CHSY1: variants seen among roughly 807,000 people sequenced by gnomAD.
CHSY1 encodes the protein N-acetylgalactosaminyl-proteoglycan 3-beta-glucuronosyltransferase 1.
A neutral mutation model predicts 59.8 loss-of-function variants in CHSY1; 13 were observed. The observed-to-expected ratio is 0.22, with a 90% CI of 0.14 to 0.35. The LOEUF (loss-of-function observed/expected upper bound fraction) is 0.35, where lower values mean the gene tolerates loss of function less well. Among genes scored for constraint, CHSY1 ranks in the 10% least tolerant of loss-of-function variants. The probability of loss-of-function intolerance (pLI) is 1.00; values close to 1 mark genes in which losing one functional copy is unlikely to be tolerated. For missense variants in CHSY1, 947 were observed against 1,030.6 expected (o/e 0.92, Z 1.11); for synonymous variants, 459 against 401.2 (o/e 1.14, Z -1.72).
At chr15:101,225,549 G>A (rs984926687) in intron 2 of CHSY1, among the ~76,000 whole-genome samples, 5 of 152,116 alleles carry the variant, frequency 3.3e-5, no homozygotes, top group Non-Finnish European at 5.9e-5. Flanking sequence ...TATCTGTGGT[G>A]CTGTCCTCCT....
chr15:101,189,231 C>T (rs1378947537), intron 2 of CHSY1, among the ~76,000 whole-genome samples: 2 of 152,232 alleles, frequency 1.3e-5, no homozygotes, highest in Admixed American at 6.5e-5. Flanking sequence ...CTAAACCCGG[C>T]CCACCCAGCA....
chr15:101,190,423 C>T (rs140386394), intron 2 of CHSY1, among the ~76,000 whole-genome samples: 3 of 152,322 alleles, frequency 2.0e-5, no homozygotes, highest in East Asian at 3.9e-4. Context: ...AACAACTGGA[C>T]ATCCAAATGC....
chr15:101,178,253 A>G lies in CHSY1; in HGVS notation c.1544T>C (p.Val515Ala), dbSNP rs1157148482. 6.2e-7 allele frequency: 1 copy of G among 1,613,914 alleles called. No individual in the cohort carries two copies. The highest frequency in any genetic ancestry group is 1.3e-5 in the African/African-American group (1 of 74,918). ...CTTCGACCCAGGGAGCTGAAAGGGG[A>G]CGAGCTTCTTCAGGGAGTTTGAGAG... ...SFLSNSLKKL[V>A]PFQLPGSKSE... The change falls in exon 3 of 3, where the codon GTC becomes GCC. Residue 515 changes from valine (V) to alanine (A), a missense_variant. Val to Ala is a moderately conservative substitution (Grantham distance 64). Around this residue, in one of 4 missense-constraint regions of CHSY1, gnomAD observed 602 missense variants for 676.9 expected, o/e 0.89. Coordinates refer to ENST00000254190, the MANE Select transcript of CHSY1 (RefSeq NM_014918.5).
chr15:101,242,060 T>C (rs975539543), intron 1 of CHSY1, among the ~76,000 whole-genome samples: 7 of 152,220 alleles, frequency 4.6e-5, no homozygotes, highest in Non-Finnish European at 7.3e-5. Context: ...TTATTTTCTA[T>C]TGTTTTTCCC....
intron 2 of CHSY1, among the ~76,000 whole-genome samples, chr15:101,183,273 A>C (rs2038305355): frequency 6.6e-6 from 1 of 152,242 alleles, no homozygotes; most frequent in Non-Finnish European, 1.5e-5. Flanking sequence ...GTTAAACTCT[A>C]AGTATCCAGT....
At chr15:101,244,215 C>A (rs922900053) in intron 1 of CHSY1, among the ~76,000 whole-genome samples, 2 of 152,194 alleles carry the variant, frequency 1.3e-5, no homozygotes, top group Non-Finnish European at 2.9e-5. Flanking sequence ...AAGGCCTCAA[C>A]AACAGGTGGA....
intron 2 of CHSY1, among the ~76,000 whole-genome samples, chr15:101,203,682 G>A (rs961574287): frequency 2.0e-5 from 3 of 152,194 alleles, no homozygotes; most frequent in Non-Finnish European, 2.9e-5. Context: ...AACACTGCCT[G>A]TATGGATCAT....
chr15:101,189,495 A>G (rs1402803804), intron 2 of CHSY1: 3 of 985,308 alleles, frequency 3.0e-6, no homozygotes, highest in Non-Finnish European at 3.6e-6. Context: ...ACACAGGCCC[A>G]GTGCAGCCGG....
intron 1 of CHSY1, among the ~76,000 whole-genome samples, chr15:101,249,022 C>A (rs968591185): frequency 1.5e-5 from 2 of 137,806 alleles, no homozygotes; most frequent in African/African-American, 5.6e-5. Context: ...CCAGGATGGT[C>A]TTGATCTCCT....
intron 2 of CHSY1, among the ~76,000 whole-genome samples, chr15:101,205,101 C>T (rs532132227): frequency 6.6e-6 from 1 of 152,254 alleles, no homozygotes; most frequent in East Asian, 1.9e-4. Context: ...AGTTTTTCCT[C>T]TGTAATCTAT....
intron 2 of CHSY1, among the ~76,000 whole-genome samples, chr15:101,191,796 T>C (rs1339381033): frequency 1.3e-5 from 2 of 152,172 alleles, no homozygotes; most frequent in African/African-American, 4.8e-5. Context: ...AAATTATCTA[T>C]GTTAAGTAGA....
chr15:101,177,450 C>G lies in CHSY1; in HGVS notation c.2347G>C (p.Glu783Gln), dbSNP rs752860490. Residue 783 changes from glutamate (E) to glutamine (Q), a missense_variant, in exon 3 of 3, where the codon GAA becomes CAA. Transcript: ENST00000254190. ...STQQLAEMWL[E>Q]KNDPSYSKSS... is the part of the protein sequence containing the mutation. ...TTACTGTAACTTGGATCATTTTTTT[C>G]CAGCCACATCTCAGCCAGCTGCTGG... The G allele has an allele frequency of 6.2e-7, 1 of 1,611,450 alleles. No homozygotes were observed. Among genetic ancestry groups the G allele is most frequent in the Non-Finnish European group, 8.5e-7 (1 of 1,179,212 alleles).
chr15:101,179,999 T>C (rs2038254184), intron 2 of CHSY1, among the ~76,000 whole-genome samples: 1 of 152,254 alleles, frequency 6.6e-6, no homozygotes, highest in Non-Finnish European at 1.5e-5. Flanking sequence ...ATTAGTCCTG[T>C]TTCTTTCAAG....
intron 2 of CHSY1, among the ~76,000 whole-genome samples, chr15:101,193,225 C>A (rs1160124627): frequency 6.6e-6 from 1 of 152,214 alleles, no homozygotes; most frequent in Non-Finnish European, 1.5e-5. Flanking sequence ...AGGCAACAAA[C>A]AAGGAGTGTG....
intron 2 of CHSY1, among the ~76,000 whole-genome samples, chr15:101,200,916 C>CCACA (rs1253580068): frequency 1.3e-5 from 2 of 152,178 alleles, no homozygotes; most frequent in Admixed American, 1.3e-4. Flanking sequence ...TGTTGCCAGG[C>CCACA]CACAGTTCTG....
At chr15:101,216,868 T>C (rs912040204) in intron 2 of CHSY1, among the ~76,000 whole-genome samples, 1 of 152,234 alleles carries the variant, frequency 6.6e-6, no homozygotes, top group Non-Finnish European at 1.5e-5. Flanking sequence ...AGAGCTAACC[T>C]GGATGTATAT....
intron 1 of CHSY1, among the ~76,000 whole-genome samples, chr15:101,238,018 G>A (rs932820079): frequency 2.0e-5 from 3 of 152,162 alleles, no homozygotes; most frequent in African/African-American, 4.8e-5. Flanking sequence ...AAATCTCTGC[G>A]GAAGAGGTAC....
At position 101,251,329 on chromosome 15, in the gene CHSY1, G is replaced by A; in HGVS notation, c.128C>T (p.Ala43Val). 1 of 1,131,976 alleles carries A rather than the reference G, an allele frequency of 8.8e-7. No individual in the cohort carries two copies. Among genetic ancestry groups the A allele is most frequent in the Non-Finnish European group, 1.1e-6 (1 of 913,842 alleles). 70.1% of individuals were successfully genotyped at this position (1,131,976 alleles called of 1,614,324 possible). Residue 43 changes from alanine (A) to valine (V), a missense_variant, in exon 1 of 3, where the codon GCC (alanine) becomes GTC (valine). Around this residue, in one of 4 missense-constraint regions of CHSY1, gnomAD observed 232 missense variants for 188.5 expected, o/e 1.23. Coordinates refer to ENST00000254190, the MANE Select transcript of CHSY1 (RefSeq NM_014918.5). ...CCCGGACCGGCAGCCCTCGGGGCTG[G>A]CGCGGCGCCGTGGGCCCGCTCGCTT... ...ELKRAGPRRR[A>V]SPEGCRSGQA...
chr15:101,176,653 G>T lies in CHSY1; in HGVS notation c.*735C>A, dbSNP rs1181611617. ...TACTAAAAATACAAAAAAACTAGCT[G>T]GGCGTGGTGGTGTGTGCCTGTAATC... On this transcript the variant is annotated 3_prime_UTR_variant, in exon 3 of 3. Transcript: ENST00000254190. The T allele has an allele frequency of 8.8e-6, 3 of 341,564 alleles. No individual in the cohort carries two copies. Among genetic ancestry groups the T allele is most frequent in the African/African-American group, 6.3e-5 (3 of 47,560 alleles). 21.2% of individuals were successfully genotyped at this position (341,564 alleles called of 1,614,324 possible).
Sources: gnomAD v4.1 joint callset for allele counts (sites outside exome capture counted in the v4.1 genomes callset) on GRCh38, gnomAD v4.1.1 for gene constraint, gnomAD v4.1.1 regional missense constraint, MANE v1.5 for transcripts, NCBI Gene and HGNC (gene_info 2026-07-23, HGNC 2026-07-21) for gene names.